EEF1G: variants seen among roughly 807,000 people sequenced by gnomAD.
EEF1G encodes eukaryotic translation elongation factor 1 gamma, also known as elongation factor 1-gamma.
EEF1G carries 14 observed loss-of-function variants against 58.3 expected under a neutral mutation model. The ratio of observed to expected loss-of-function variants is 0.24; its 90% confidence interval spans 0.16 to 0.38. EEF1G has a LOEUF of 0.38. EEF1G is among the 10% of genes least tolerant of loss of function. EEF1G has a pLI of 1.00. For synonymous variants in EEF1G, 180 were observed against 206.8 expected, an observed-to-expected ratio of 0.87 and a Z score of 1.11; for missense variants, 322 against 550.1, an observed-to-expected ratio of 0.59 and a Z score of 4.15.
rs910844723 is a variant in EEF1G, at chr11:62,559,854, A to T, written c.1156-17T>A. ...TGGACTCAGCTGGGGATAAAAAGCC[A>T]GCATGTGGTCAAGTTATGAGACACC... On this transcript the variant is annotated splice_polypyrimidine_tract_variant and intron_variant, in intron 9 of 9. Coordinates refer to ENST00000329251, the MANE Select transcript of EEF1G (RefSeq NM_001404.5). 3 of 1,613,898 alleles carry T rather than the reference A, an allele frequency of 1.9e-6. No individual in the cohort carries two copies. In the African/African-American group the frequency reaches 4.0e-5, roughly 22 times the overall value.
At chr11:62,566,138 G>GGCAA (rs1286071066) in intron 7 of EEF1G, among the ~76,000 whole-genome samples, 1 of 152,088 alleles carries the variant, frequency 6.6e-6, no homozygotes, top group Non-Finnish European at 1.5e-5. Flanking sequence ...CAGAGAACTG[G>GGCAA]GCAAGCACTC....
intron 5 of EEF1G, among the ~76,000 whole-genome samples, chr11:62,570,495 C>T (rs1941614065): frequency 6.6e-6 from 1 of 152,200 alleles, no homozygotes. Flanking sequence ...AAAGGCAAGA[C>T]ATTACCCAGC....
At chr11:62,571,251 T>C (rs1335018781) in intron 4 of EEF1G, 143 bp from the exon 5 acceptor site, 5 of 1,339,054 alleles carry the variant, frequency 3.7e-6, no homozygotes, top group Non-Finnish European at 4.1e-6. Context: ...GATCCTAGGG[T>C]CATTCTAAAT....
chr11:62,564,632 C>T (rs1188477336), intron 7 of EEF1G, among the ~76,000 whole-genome samples: 1 of 151,194 alleles, frequency 6.6e-6, no homozygotes, highest in Non-Finnish European at 1.5e-5. Context: ...CATGGTGGTG[C>T]GTGCCTGTAG....
rs1941636679 is a variant in EEF1G, at chr11:62,571,893, T to C, written c.180A>G (p.Ala60=). ...CACAGAATCCATCATCACCCTCAAA[T>C]GCTGGGACCTGGGGACAAAGCAGTG... ...LRKFPAGKVP[A]FEGDDGFCVF... is the part of the protein sequence containing the mutation. The change falls in exon 3 of 10, where the codon GCA becomes GCG. Residue 60 remains alanine, a synonymous_variant. Transcript: ENST00000329251. 3.8e-6 allele frequency: 6 copies of C among 1,578,260 alleles called. No individual in the cohort carries two copies. The South Asian group carries it at 5.8e-5, about 15-fold the overall frequency.
intron 6 of EEF1G, 56 bp from the exon 7 acceptor site, chr11:62,567,066 T>C (rs1194822196): frequency 1.9e-6 from 3 of 1,570,906 alleles, no homozygotes; most frequent in East Asian, 4.5e-5. Flanking sequence ...TCCACACCCC[T>C]CCAAAACCAC....
chr11:62,571,716 G>C (rs1315258909), intron 3 of EEF1G, 34 bp from the exon 4 acceptor site: 2 of 1,576,898 alleles, frequency 1.3e-6, no homozygotes, highest in Admixed American at 3.7e-5. Flanking sequence ...CAGAACTCTG[G>C]GGGAATGCCA....
intron 1 of EEF1G, 30 bp downstream of exon 1, chr11:62,573,801 G>T: frequency 6.2e-7 from 1 of 1,613,484 alleles, no homozygotes; most frequent in Non-Finnish European, 8.5e-7. Context: ...TGGATAGGAT[G>T]ACCCGAACCA....
chr11:62,561,667 A>C (rs1445091823), intron 7 of EEF1G, among the ~76,000 whole-genome samples: 3 of 73,498 alleles, frequency 4.1e-5, no homozygotes, highest in Admixed American at 1.7e-4. Context: ...TCTCAAAAAA[A>C]AAACAAAAAA....
intron 5 of EEF1G, among the ~76,000 whole-genome samples, chr11:62,568,565 G>A (rs541430602): frequency 6.6e-6 from 1 of 151,854 alleles, no homozygotes; most frequent in South Asian, 2.1e-4. Context: ...TTTTTTCAGT[G>A]TAGTCCAGTT....
chr11:62,559,986 A>G, intron 9 of EEF1G, 83 bp downstream of exon 9: 1 of 1,607,494 alleles, frequency 6.2e-7, no homozygotes. Context: ...CCTCCTAAAC[A>G]TCCATCAACT....
At chr11:62,561,813 G>A (rs148614531) in intron 7 of EEF1G, among the ~76,000 whole-genome samples, 1 of 151,768 alleles carries the variant, frequency 6.6e-6, no homozygotes, top group East Asian at 1.9e-4. Flanking sequence ...ACCTAGCCTT[G>A]CTTCTCATGT....
chr11:62,572,817 T>G, intron 1 of EEF1G, 75 bp from the exon 2 acceptor site: 1 of 1,406,886 alleles, frequency 7.1e-7, no homozygotes, highest in Non-Finnish European at 9.7e-7. Flanking sequence ...CAGGATGACT[T>G]TCCTGAATAA....
In EEF1G at chr11:62,559,757, C is replaced by A. The variant is rs1256735144; in HGVS notation, c.1236G>T (p.Leu412=). 1 of 1,614,020 alleles carries A rather than the reference C, an allele frequency of 6.2e-7. No homozygotes were observed. The highest frequency in any genetic ancestry group is 1.7e-5 in the Admixed American group (1 of 60,024). ...LDPGSEETQT[L]VREYFSWEGA... The stretch of plus-strand genomic sequence containing the variant: ...CCTCCCAGGAAAAGTACTCTCGAAC[C>A]AGCGTCTGGGTCTCCTCGCTGCCAG... The change falls in exon 10 of 10, where the codon CTG becomes CTT. Residue 412 remains leucine, a synonymous_variant. Transcript: ENST00000329251.
chr11:62,566,743 G>T, intron 7 of EEF1G, 63 bp downstream of exon 7: 4 of 1,457,456 alleles, frequency 2.7e-6, no homozygotes, highest in Admixed American at 3.7e-5. Context: ...TGTGAGGGGG[G>T]ACATACAGAG....
intron 1 of EEF1G, 36 bp downstream of exon 1, chr11:62,573,795 T>G (rs371074771): frequency 6.2e-7 from 1 of 1,613,174 alleles, no homozygotes; most frequent in Admixed American, 1.7e-5. Flanking sequence ...TGGCGGTGGA[T>G]AGGATGACCC....
chr11:62,566,603 T>C (rs1590709018), intron 7 of EEF1G, among the ~76,000 whole-genome samples: 1 of 152,258 alleles, frequency 6.6e-6, no homozygotes, highest in Non-Finnish European at 1.5e-5. Context: ...GTACTGGCTG[T>C]ACTTGAAACT....
chr11:62,570,014 A>G (rs746591985), intron 5 of EEF1G, among the ~76,000 whole-genome samples: 3 of 152,082 alleles, frequency 2.0e-5, no homozygotes, highest in Admixed American at 6.5e-5. Flanking sequence ...TTGGTAAACA[A>G]TGAAGCCAAG....
chr11:62,560,594 G>T, intron 7 of EEF1G, 140 bp from the exon 8 acceptor site: 1 of 961,290 alleles, frequency 1.0e-6, no homozygotes, highest in South Asian at 1.6e-5. Context: ...ACCTTATGAG[G>T]GAAGTAAGCT....
Sources: gnomAD v4.1 joint callset for allele counts (sites outside exome capture counted in the v4.1 genomes callset) on GRCh38, gnomAD v4.1.1 for gene constraint, MANE v1.5 for transcripts, NCBI Gene and HGNC (gene_info 2026-07-23, HGNC 2026-07-21) for gene names.